DPP10: variants seen among roughly 807,000 people sequenced by gnomAD.
DPP10 encodes the protein inactive dipeptidyl peptidase 10.
DPP10 carries 33 observed loss-of-function variants against 120.9 expected under a neutral mutation model. That is an observed-to-expected ratio of 0.27 (90% CI 0.21 to 0.37). The LOEUF (loss-of-function observed/expected upper bound fraction) is 0.37, where lower values mean the gene tolerates loss of function less well. Among genes scored for constraint, DPP10 ranks in the 10% least tolerant of loss-of-function variants. DPP10 has a pLI of 1.00. For missense variants in DPP10, 816 were observed against 942.8 expected (o/e 0.87, Z 1.76); for synonymous variants, 337 against 326.1 (o/e 1.03, Z -0.36).
chr2:114,897,156 T>A (rs1213713787), intron 1 of DPP10, among the ~76,000 whole-genome samples: 1 of 152,166 alleles, frequency 6.6e-6, no homozygotes, highest in Non-Finnish European at 1.5e-5. Context: ...TATTGAGGAT[T>A]TTTGCATCAA....
At chr2:115,192,461 TGGCTTGG>T (rs1223428019) in intron 1 of DPP10, among the ~76,000 whole-genome samples, 1 of 152,226 alleles carries the variant, frequency 6.6e-6, no homozygotes, top group Non-Finnish European at 1.5e-5. Flanking sequence ...GCATCACACA[TGGCTTGG>T]GGCCCCCAGT....
intron 1 of DPP10, among the ~76,000 whole-genome samples, chr2:114,749,838 T>C (rs1476002068): frequency 6.6e-6 from 1 of 152,144 alleles, no homozygotes; most frequent in African/African-American, 2.4e-5. Flanking sequence ...ACAACTGCAA[T>C]CATTCCAAAT....
chr2:115,798,566 G>C (rs1684805894), intron 19 of DPP10, among the ~76,000 whole-genome samples: 1 of 152,196 alleles, frequency 6.6e-6, no homozygotes, highest in South Asian at 2.1e-4. Context: ...ATGATGATGG[G>C]AGGCTAGGCC....
At chr2:115,080,637 G>A (rs541318201) in intron 1 of DPP10, among the ~76,000 whole-genome samples, 2 of 152,310 alleles carry the variant, frequency 1.3e-5, no homozygotes, top group Admixed American at 6.5e-5. Flanking sequence ...AGAAAATACA[G>A]TCTAGCCCCA....
chr2:115,551,652 C>T lies in DPP10; in HGVS notation c.441+25680C>T, dbSNP rs116902866. On this transcript the variant is annotated intron_variant, in intron 5 of 25. Transcript: ENST00000410059. Reference sequence around the variant, plus strand: ...CCAGTTTGATCTTCTGCCTCTTGGGCAGTTTCCAATATTTTGGTACAATCG... The same window carrying T: ...CCAGTTTGATCTTCTGCCTCTTGGGTAGTTTCCAATATTTTGGTACAATCG... Among the ~76,000 whole-genome samples the T allele has an allele frequency of 2.3e-3, 345 of 152,216 alleles. 8 individuals carry two copies. The East Asian group carries it at 0.056, about 25-fold the overall frequency.
At chr2:115,696,659 C>G (rs1451750256) in intron 7 of DPP10, among the ~76,000 whole-genome samples, 1 of 152,032 alleles carries the variant, frequency 6.6e-6, no homozygotes, top group African/African-American at 2.4e-5. Flanking sequence ...GATTTGAAGC[C>G]TTATAAAGAA....
intron 1 of DPP10, among the ~76,000 whole-genome samples, chr2:114,996,851 G>A (rs541087601): frequency 1.3e-5 from 2 of 151,720 alleles, no homozygotes; most frequent in African/African-American, 4.8e-5. Context: ...GCGTGGTGGC[G>A]CACAGCTGTA....
chr2:115,626,168 A>C (rs1335711503), intron 5 of DPP10, among the ~76,000 whole-genome samples: 1 of 151,958 alleles, frequency 6.6e-6, no homozygotes, highest in African/African-American at 2.4e-5. Flanking sequence ...AACTTGCTTT[A>C]TATAGTAAAC....
At chr2:114,759,070 G>C (rs973934140) in intron 1 of DPP10, among the ~76,000 whole-genome samples, 3 of 152,082 alleles carry the variant, frequency 2.0e-5, no homozygotes, top group South Asian at 2.1e-4. Flanking sequence ...GACAAATTAG[G>C]TTAATTTTGA....
chr2:115,401,312 G>A (rs867489309), intron 3 of DPP10, among the ~76,000 whole-genome samples: 1 of 152,306 alleles, frequency 6.6e-6, no homozygotes, highest in Middle Eastern at 3.4e-3. Context: ...GGAGGGCCAG[G>A]CTCATTCCTA....
intron 5 of DPP10, among the ~76,000 whole-genome samples, chr2:115,648,625 A>G (rs1353118294): frequency 6.6e-6 from 1 of 151,978 alleles, no homozygotes; most frequent in Non-Finnish European, 1.5e-5. Context: ...AAAAAAAAAA[A>G]AGAAACATTA....
At chr2:115,504,136 G>A (rs1362536902) in intron 4 of DPP10, among the ~76,000 whole-genome samples, 4 of 152,008 alleles carry the variant, frequency 2.6e-5, no homozygotes, top group Non-Finnish European at 4.4e-5. Flanking sequence ...GGATCATTTG[G>A]CCTTGGCTTC....
chr2:115,435,881 T>C (rs2071448320), intron 3 of DPP10, among the ~76,000 whole-genome samples: 2 of 151,912 alleles, frequency 1.3e-5, no homozygotes, highest in African/African-American at 4.8e-5. Flanking sequence ...TGGTGAGAGA[T>C]AGGGGTCAAG....
At chr2:114,736,780 G>A (rs1414047791) in intron 1 of DPP10, among the ~76,000 whole-genome samples, 2 of 152,180 alleles carry the variant, frequency 1.3e-5, no homozygotes, top group Admixed American at 6.5e-5. Context: ...TAGTTTGTCT[G>A]TGTTCATGAT....
rs554850394 is a variant in DPP10 at position 115,498,794 on chromosome 2, A to G, written c.272-716A>G. 2.3e-4 allele frequency among the ~76,000 whole-genome samples: 35 copies of G among 151,408 alleles called. No homozygotes were observed. In the South Asian group the frequency reaches 7.3e-3, roughly 32 times the overall value. On this transcript the variant is annotated intron_variant, in intron 3 of 25. Transcript: ENST00000410059. ...CTCGTTAGTAATTTCAGGCAGAGAT[A>G]TTGTTAAGATGTTTTAATTTTCTAA... is the stretch of plus-strand genomic sequence containing the variant.
At chr2:115,216,466 A>G (rs1354695222) in intron 1 of DPP10, among the ~76,000 whole-genome samples, 6 of 152,130 alleles carry the variant, frequency 3.9e-5, no homozygotes, top group Non-Finnish European at 5.9e-5. Flanking sequence ...GTATGTATAT[A>G]TATGTCTAAC....
At chr2:115,019,277 T>C (rs977910758) in intron 1 of DPP10, among the ~76,000 whole-genome samples, 2 of 151,690 alleles carry the variant, frequency 1.3e-5, no homozygotes, top group South Asian at 2.1e-4. Context: ...ATAAATAAAA[T>C]GGAAAAAAGA....
intron 1 of DPP10, among the ~76,000 whole-genome samples, chr2:114,951,595 TAAG>T (rs1558914518): frequency 1.3e-5 from 2 of 152,204 alleles, no homozygotes; most frequent in East Asian, 3.8e-4. Context: ...GGTTTTTTAA[TAAG>T]AAGAACAGAT....
chr2:115,565,641 T>C (rs2080954539), intron 5 of DPP10, among the ~76,000 whole-genome samples: 1 of 152,154 alleles, frequency 6.6e-6, no homozygotes, highest in African/African-American at 2.4e-5. Context: ...TTCCATAATC[T>C]TTCTTTGTGG....
Sources: allele counts gnomAD v4.1 joint callset (sites outside exome capture counted in the v4.1 genomes callset), GRCh38; gene constraint gnomAD v4.1.1; transcripts MANE v1.5; gene names NCBI Gene and HGNC (gene_info 2026-07-23, HGNC 2026-07-21).